Variants in UNC13C observed in about 807,000 individuals in gnomAD.
UNC13C encodes the protein unc-13 homolog C.
Under a neutral mutation model 245.4 loss-of-function variants are expected in UNC13C, and 174 were observed. That is an observed-to-expected ratio of 0.71 (90% confidence interval 0.63 to 0.80). The LOEUF is 0.80. Ranked by LOEUF, UNC13C falls within the 30% of genes least tolerant of loss-of-function variation. The pLI is 0.00. For missense variants in UNC13C, 2,829 were observed against 2,602.9 expected (o/e 1.09, Z -1.89); for synonymous variants, 992 against 895.1 (o/e 1.11, Z -1.93).
intron 25 of UNC13C, among the ~76,000 whole-genome samples, chr15:54,526,764 A>AG (rs1895486344): frequency 6.7e-6 from 1 of 148,744 alleles, no homozygotes; most frequent in Non-Finnish European, 1.5e-5. Context: ...AAAAAAAAAA[A>AG]GATTGCTCTC....
intron 7 of UNC13C, among the ~76,000 whole-genome samples, chr15:54,249,895 G>A (rs953268143): frequency 6.6e-6 from 1 of 152,132 alleles, no homozygotes; most frequent in Admixed American, 6.5e-5. Context: ...AAGAGGCGTT[G>A]GGTTTACAGC....
chr15:54,029,488 A>G (rs552442202), intron 2 of UNC13C, among the ~76,000 whole-genome samples: 1 of 152,362 alleles, frequency 6.6e-6, no homozygotes, highest in Admixed American at 6.5e-5. Flanking sequence ...TTATCATTCA[A>G]TTGTTTTTTG....
At chr15:54,185,034 T>C (rs1276451392) in intron 4 of UNC13C, among the ~76,000 whole-genome samples, 1 of 152,212 alleles carries the variant, frequency 6.6e-6, no homozygotes, top group Middle Eastern at 3.2e-3. Context: ...ATGAGCATTT[T>C]TTCATGTGTT....
intron 24 of UNC13C, among the ~76,000 whole-genome samples, chr15:54,523,477 T>C (rs1895314234): frequency 6.6e-6 from 1 of 152,212 alleles, no homozygotes; most frequent in African/African-American, 2.4e-5. Flanking sequence ...ATTAAAACTG[T>C]CATCCAATGT....
intron 4 of UNC13C, among the ~76,000 whole-genome samples, chr15:54,213,388 A>C (rs762450071): frequency 2.6e-5 from 4 of 152,048 alleles, no homozygotes; most frequent in African/African-American, 9.7e-5. Flanking sequence ...AAGGGTTTTT[A>C]ATCTAGTGAA....
At chr15:54,603,817 C>T (rs545081812) in intron 30 of UNC13C, among the ~76,000 whole-genome samples, 1 of 152,140 alleles carries the variant, frequency 6.6e-6, no homozygotes, top group South Asian at 2.1e-4. Flanking sequence ...GAGCTGAGGT[C>T]GCAGCACTGC....
intron 29 of UNC13C, among the ~76,000 whole-genome samples, chr15:54,565,205 A>G (rs1370878403): frequency 1.3e-5 from 2 of 151,994 alleles, no homozygotes; most frequent in African/African-American, 4.8e-5. Context: ...GTATTGTTGA[A>G]GTCATTTGTT....
Position 54,393,127 on chromosome 15 carries a change from T to G in UNC13C, c.4793T>G (p.Leu1598Arg). ...GATTTTTGGCCCCAACTTATTACAC[T>G]GATGGTTACTATTATTGATGAGGAT... ...NLDFWPQLIT[L>R]MVTIIDEDKT... Residue 1598 changes from leucine to arginine, a missense_variant, in exon 18 of 33, where the codon CTG becomes CGG. Coordinates refer to ENST00000260323, the MANE Select transcript of UNC13C (RefSeq NM_001080534.3). The G allele has an allele frequency of 6.2e-7, 1 of 1,610,764 alleles. No homozygotes were observed. Among genetic ancestry groups the G allele is most frequent in the Non-Finnish European group, 8.5e-7 (1 of 1,178,414 alleles).
intron 19 of UNC13C, among the ~76,000 whole-genome samples, chr15:54,444,946 C>T (rs990194340): frequency 7.3e-5 from 11 of 150,076 alleles, no homozygotes; most frequent in African/African-American, 2.7e-4. Flanking sequence ...GGTATATCTC[C>T]TAATGCTATC....
intron 2 of UNC13C, among the ~76,000 whole-genome samples, chr15:54,020,852 T>C (rs1038691191): frequency 6.8e-6 from 1 of 146,184 alleles, no homozygotes; most frequent in Non-Finnish European, 1.5e-5. Flanking sequence ...ACTTGGGGCT[T>C]TTTTTTTGTT....
intron 2 of UNC13C, among the ~76,000 whole-genome samples, chr15:54,081,478 G>A (rs1338231637): frequency 6.6e-6 from 1 of 151,942 alleles, no homozygotes; most frequent in Non-Finnish European, 1.5e-5. Flanking sequence ...CTGATACTGG[G>A]TTTGTATATA....
chr15:53,959,241 G>T, the UNC13C span, among the ~76,000 whole-genome samples: 3 of 151,608 alleles, frequency 2.0e-5, no homozygotes, highest in African/African-American at 7.3e-5. Flanking sequence ...AAATAGTGCT[G>T]CAATAAACAT....
chr15:54,457,892 G>GTTTTTTTTTTTTTT (rs34133938), intron 19 of UNC13C, among the ~76,000 whole-genome samples: 1 of 122,986 alleles, frequency 8.1e-6, no homozygotes, highest in Non-Finnish European at 1.6e-5. Flanking sequence ...TCTGCTTTTC[G>GTTTTTTTTTTTTTT]TTTTTTTTTT....
At chr15:54,229,797 A>C (rs766921318) in intron 4 of UNC13C, among the ~76,000 whole-genome samples, 1 of 151,890 alleles carries the variant, frequency 6.6e-6, no homozygotes, top group Non-Finnish European at 1.5e-5. Context: ...CCTGCCATCC[A>C]CCTCTTGTAA....
Position 54,029,366 on chromosome 15 carries a change from A to G in UNC13C, c.2983+13480A>G, listed in dbSNP as rs190493162. The stretch of plus-strand genomic sequence containing the variant: ...GATTAGGGCTGCAGGGAGAAGGCAC[A>G]TGATACAAACACGTGGTTTCCTTCC... On this transcript the variant is annotated intron_variant, in intron 2 of 32. Transcript: ENST00000260323. Among the ~76,000 whole-genome samples the G allele has an allele frequency of 6.8e-4, 103 of 152,376 alleles. 1 individual carries two copies. The highest frequency in any genetic ancestry group is 2.4e-3 in the African/African-American group (101 of 41,598).
At chr15:54,451,628 A>G (rs748542518) in intron 19 of UNC13C, among the ~76,000 whole-genome samples, 12 of 151,884 alleles carry the variant, frequency 7.9e-5, no homozygotes, top group Non-Finnish European at 1.6e-4. Flanking sequence ...TATTATAGCT[A>G]TCTCTTTTGT....
rs150979020 is a variant in UNC13C, at chr15:54,022,268, G to A, written c.2983+6382G>A. On this transcript the variant is annotated intron_variant, in intron 2 of 32. Coordinates refer to ENST00000260323, the MANE Select transcript of UNC13C (RefSeq NM_001080534.3). The stretch of plus-strand genomic sequence containing the variant: ...CTTGTTATTATTCATCTTTTTGATC[G>A]TCATTGAAACAGGTGTGAGGTGATA... 1.3e-3 allele frequency among the ~76,000 whole-genome samples: 190 copies of A among 151,904 alleles called. 1 individual carries two copies. The highest frequency in any genetic ancestry group is 4.4e-3 in the African/African-American group (181 of 41,410).
intron 13 of UNC13C, among the ~76,000 whole-genome samples, chr15:54,309,139 G>T (rs1199683254): frequency 6.6e-6 from 1 of 151,740 alleles, no homozygotes; most frequent in African/African-American, 2.4e-5. Context: ...ACGAGATTCT[G>T]TTTGCTCCAC....
chr15:54,558,588 C>T (rs893434450), intron 29 of UNC13C, among the ~76,000 whole-genome samples: 1 of 151,982 alleles, frequency 6.6e-6, no homozygotes, highest in Admixed American at 6.6e-5. Context: ...AAAATATTAA[C>T]TTTTCTAAAT....
Sources: allele counts gnomAD v4.1 joint callset (sites outside exome capture counted in the v4.1 genomes callset), GRCh38; gene constraint gnomAD v4.1.1; transcripts MANE v1.5; gene names NCBI Gene and HGNC (gene_info 2026-07-23, HGNC 2026-07-21).